Variants in TSHZ2 observed in about 807,000 individuals in gnomAD.
The protein encoded by TSHZ2 is teashirt zinc finger homeobox 2.
A neutral mutation model predicts 74.4 loss-of-function variants in TSHZ2; 21 were observed. The ratio of observed to expected loss-of-function variants is 0.28; its 90% confidence interval spans 0.20 to 0.41. The LOEUF (loss-of-function observed/expected upper bound fraction) is 0.41, where lower values mean the gene tolerates loss of function less well. Ranked by LOEUF, TSHZ2 falls within the 10% of genes least tolerant of loss-of-function variation. The probability of loss-of-function intolerance (pLI) is 1.00; values close to 1 mark genes in which losing one functional copy is unlikely to be tolerated. For missense variants in TSHZ2, 1,244 were observed against 1,293.5 expected (o/e 0.96, Z 0.59); for synonymous variants, 540 against 515.3 (o/e 1.05, Z -0.65).
chr20:53,067,795 G>A (rs1407770203), intron 1 of TSHZ2, among the ~76,000 whole-genome samples: 1 of 152,206 alleles, frequency 6.6e-6, no homozygotes, highest in Admixed American at 6.5e-5. Flanking sequence ...TGGCTGCTGG[G>A]ACAAAGTGCC....
chr20:53,455,489 G>C (rs1215099843), intron 2 of TSHZ2: 5 of 152,094 alleles, frequency 3.3e-5, no homozygotes, highest in Non-Finnish European at 5.9e-5. Context: ...ACTTCACCTG[G>C]TCTAGTGGTC....
At chr20:53,182,647 TA>T (rs1988508845) in intron 1 of TSHZ2, among the ~76,000 whole-genome samples, 1 of 152,234 alleles carries the variant, frequency 6.6e-6, no homozygotes, top group Non-Finnish European at 1.5e-5. Context: ...TAACTTTTGG[TA>T]ATCTGAACTT....
At chr20:53,407,059 T>TG (rs1263264728) in intron 2 of TSHZ2, among the ~76,000 whole-genome samples, 1 of 152,172 alleles carries the variant, frequency 6.6e-6, no homozygotes, top group Non-Finnish European at 1.5e-5. Context: ...AACACAGCAG[T>TG]GGGGGTAACA....
intron 2 of TSHZ2, among the ~76,000 whole-genome samples, chr20:53,485,532 A>G (rs1261446256): frequency 6.6e-6 from 1 of 152,178 alleles, no homozygotes; most frequent in Non-Finnish European, 1.5e-5. Flanking sequence ...AACATGGTGA[A>G]ACCCTGTCTC....
chr20:53,072,891 A>T (rs575400378), intron 1 of TSHZ2, among the ~76,000 whole-genome samples: 1 of 152,240 alleles, frequency 6.6e-6, no homozygotes, highest in African/African-American at 2.4e-5. Context: ...CAATCCATTC[A>T]TTCAATCCTC....
chr20:53,007,068 C>T (rs534260978), intron 1 of TSHZ2, among the ~76,000 whole-genome samples: 1 of 152,224 alleles, frequency 6.6e-6, no homozygotes, highest in Non-Finnish European at 1.5e-5. Context: ...GTGACTGGTG[C>T]TGCAAGAGTA....
In TSHZ2 at chr20:53,472,850, G is replaced by A. The variant is rs553858474; in HGVS notation, c.*9-14294G>A. On this transcript the variant is annotated intron_variant, in intron 2 of 2. Coordinates refer to ENST00000371497, the MANE Select transcript of TSHZ2 (RefSeq NM_173485.6). ...TGAGGCATTGCCTCACTCGGGAAGC[G>A]CAAGGGGTCAGGGAGTTCCCTTTCC... 9.2e-5 allele frequency among the ~76,000 whole-genome samples: 14 copies of A among 152,142 alleles called. No homozygotes were observed. The East Asian group carries it at 9.7e-4, about 11-fold the overall frequency.
chr20:53,216,696 T>C (rs148116225), intron 1 of TSHZ2, among the ~76,000 whole-genome samples: 1 of 152,324 alleles, frequency 6.6e-6, no homozygotes, highest in African/African-American at 2.4e-5. Flanking sequence ...CTCTCTGATT[T>C]GTCACCTGGA....
intron 1 of TSHZ2, among the ~76,000 whole-genome samples, chr20:53,051,453 G>GCGCA (rs1423362488): frequency 6.8e-5 from 7 of 103,066 alleles, no homozygotes; most frequent in East Asian, 7.5e-4. Context: ...ACTCTGTGGC[G>GCGCA]CACGCACACA....
intron 2 of TSHZ2, among the ~76,000 whole-genome samples, chr20:53,468,747 G>C (rs1168401608): frequency 2.7e-5 from 4 of 148,402 alleles, no homozygotes; most frequent in Admixed American, 2.7e-4. Flanking sequence ...GCTGAAGGCA[G>C]TGGGTCGTCT....
chr20:53,118,566 T>C (rs993900863), intron 1 of TSHZ2, among the ~76,000 whole-genome samples: 1 of 152,186 alleles, frequency 6.6e-6, no homozygotes, highest in African/African-American at 2.4e-5. Context: ...CCAGTGGAGC[T>C]GTCCTCATTT....
chr20:53,330,845 G>C (rs1028105248), intron 2 of TSHZ2, among the ~76,000 whole-genome samples: 3 of 152,306 alleles, frequency 2.0e-5, no homozygotes, highest in Non-Finnish European at 4.4e-5. Flanking sequence ...ACATCTGTCT[G>C]GGTTTCATCT....
At chr20:53,175,456 T>C (rs1289738401) in intron 1 of TSHZ2, among the ~76,000 whole-genome samples, 1 of 152,174 alleles carries the variant, frequency 6.6e-6, no homozygotes, top group Non-Finnish European at 1.5e-5. Flanking sequence ...GGCGTTTTTT[T>C]CTTCTGCCTT....
At chr20:53,152,587 G>T (rs1266111775) in intron 1 of TSHZ2, among the ~76,000 whole-genome samples, 1 of 152,212 alleles carries the variant, frequency 6.6e-6, no homozygotes, top group Admixed American at 6.5e-5. Flanking sequence ...CAGCCATGCA[G>T]TCTCACAAGA....
chr20:53,199,965 C>A (rs1988961285), intron 1 of TSHZ2, among the ~76,000 whole-genome samples: 1 of 152,124 alleles, frequency 6.6e-6, no homozygotes, highest in African/African-American at 2.4e-5. Flanking sequence ...CCACGCGGTA[C>A]CTTGCAGCTA....
At chr20:53,076,886 G>T (rs1020524014) in intron 1 of TSHZ2, among the ~76,000 whole-genome samples, 12 of 152,290 alleles carry the variant, frequency 7.9e-5, no homozygotes, top group Admixed American at 3.9e-4. Flanking sequence ...GTGATGGGAA[G>T]TCATTAAAGA....
chr20:53,255,671 A>C lies in TSHZ2; in HGVS notation c.2213A>C (p.Asp738Ala). The C allele has an allele frequency of 6.3e-7, 1 of 1,581,316 alleles. No individual in the cohort carries two copies. The highest frequency in any genetic ancestry group is 1.2e-5 in the South Asian group (1 of 84,722). ...MFHKSNLNVM[D>A]KPVLSPASTR... ...CACAAGTCGAATCTCAATGTCATGG[A>C]CAAGCCGGTCTTGAGTCCTGCCTCC... The change falls in exon 2 of 3, where the codon GAC becomes GCC. Residue 738 changes from aspartate to alanine, a missense_variant. Physicochemically the swap from Asp to Ala is moderately radical, Grantham distance 126. Around this residue, in one of 6 missense-constraint regions of TSHZ2, gnomAD observed 562 missense variants for 544.0 expected, o/e 1.03. Transcript: ENST00000371497. This position sits in a 1 kb window ranked among gnomAD's most constrained non-coding sequence, Gnocchi z 4.1.
intron 1 of TSHZ2, among the ~76,000 whole-genome samples, chr20:52,981,212 G>T (rs1477689095): frequency 6.6e-6 from 1 of 152,206 alleles, no homozygotes; most frequent in Admixed American, 6.5e-5. Context: ...GGTTCTGGTT[G>T]CAGCCTTGCC....
rs373185998 is a variant in TSHZ2, at chr20:53,387,174, C to T, written c.*9-99970C>T. 1.1e-4 allele frequency among the ~76,000 whole-genome samples: 17 copies of T among 152,258 alleles called. No homozygotes were observed. The East Asian group carries it at 1.7e-3, about 16-fold the overall frequency. On this transcript the variant is annotated intron_variant, in intron 2 of 2. Transcript: ENST00000371497. ...TCACTAAGATCCCAAAGCCAATTCCCGGCATACCGAGCTCCACGGGATCTC... is the reference window on the plus strand; with the variant it reads ...TCACTAAGATCCCAAAGCCAATTCCTGGCATACCGAGCTCCACGGGATCTC...
Sources: gnomAD v4.1 joint callset for allele counts (sites outside exome capture counted in the v4.1 genomes callset) on GRCh38, gnomAD v4.1.1 for gene constraint, gnomAD v4.1.1 regional missense constraint, Gnocchi (gnomAD v3.1) non-coding constraint, MANE v1.5 for transcripts, NCBI Gene and HGNC (gene_info 2026-07-23, HGNC 2026-07-21) for gene names.